Variants in INPP4A observed in about 807,000 individuals in gnomAD.
The protein encoded by INPP4A is inositol polyphosphate-4-phosphatase type I A, also known as inositol polyphosphate-4-phosphatase, type I, 107kD.
A neutral mutation model predicts 119.8 loss-of-function variants in INPP4A; 33 were observed. That is an observed-to-expected ratio of 0.28 (90% confidence interval 0.21 to 0.37). The LOEUF (loss-of-function observed/expected upper bound fraction) is 0.37, where lower values mean the gene tolerates loss of function less well. INPP4A is among the 10% of genes least tolerant of loss of function. The pLI is 1.00. For synonymous variants in INPP4A, 496 were observed against 500.7 expected (o/e 0.99, Z 0.12); for missense variants, 956 against 1,289.9 (o/e 0.74, Z 3.97).
At chr2:98,577,225 G>A in intron 24 of INPP4A, 82 bp downstream of exon 24, 2 of 1,421,462 alleles carry the variant, frequency 1.4e-6, no homozygotes, top group Non-Finnish European at 1.9e-6. Flanking sequence ...GCTCCTGCCT[G>A]CAGGGCCTAC....
At chr2:98,522,063 G>A (rs888743018) in intron 4 of INPP4A, among the ~76,000 whole-genome samples, 8 of 152,180 alleles carry the variant, frequency 5.3e-5, no homozygotes, top group East Asian at 3.9e-4. Flanking sequence ...CAAGGTGGGC[G>A]GATCACATGA....
chr2:98,462,042 G>A (rs369138667), intron 1 of INPP4A, among the ~76,000 whole-genome samples: 12 of 152,354 alleles, frequency 7.9e-5, no homozygotes, highest in African/African-American at 2.2e-4. Flanking sequence ...GTTAGACGAC[G>A]TGTTTAAGCT....
chr2:98,524,603 A>G (rs1687849346), intron 4 of INPP4A, among the ~76,000 whole-genome samples: 1 of 152,194 alleles, frequency 6.6e-6, no homozygotes, highest in South Asian at 2.1e-4. Flanking sequence ...TTACTGCCTG[A>G]AAGACCTGAA....
chr2:98,451,341 A>G (rs2104454143), intron 1 of INPP4A, among the ~76,000 whole-genome samples: 1 of 152,186 alleles, frequency 6.6e-6, no homozygotes, highest in Middle Eastern at 3.4e-3. Context: ...GCAGATGTAT[A>G]TGGTGGGGGC....
chr2:98,583,292 G>C (rs1425891802), intron 24 of INPP4A, among the ~76,000 whole-genome samples: 1 of 151,510 alleles, frequency 6.6e-6, no homozygotes, highest in Non-Finnish European at 1.5e-5. Context: ...AATCAAATAT[G>C]ATTGATAATG....
In INPP4A at chr2:98,500,821, G is replaced by A. The variant is rs138898289; in HGVS notation, c.-165-18143G>A. 7.4e-3 allele frequency among the ~76,000 whole-genome samples: 1,124 copies of A among 152,270 alleles called. 7 individuals carry two copies. Among genetic ancestry groups the A allele is most frequent in the Non-Finnish European group, 0.012 (841 of 68,018 alleles). Reference sequence around the variant, plus strand: ...CTCAGCAGGGTTCTTTGCTAAAACTGGATTTTACAAAGAAGTGCACAGATG... The same window carrying A: ...CTCAGCAGGGTTCTTTGCTAAAACTAGATTTTACAAAGAAGTGCACAGATG... On this transcript the variant is annotated intron_variant, in intron 1 of 24. Transcript: ENST00000409851.
intron 1 of INPP4A, among the ~76,000 whole-genome samples, chr2:98,512,961 T>G (rs1007865675): frequency 1.3e-5 from 2 of 152,220 alleles, no homozygotes; most frequent in African/African-American, 2.4e-5. Context: ...GTTTTTGTAT[T>G]TTATGCTAGA....
At chr2:98,502,907 G>A (rs982093454) in intron 1 of INPP4A, among the ~76,000 whole-genome samples, 3 of 152,180 alleles carry the variant, frequency 2.0e-5, no homozygotes, top group Non-Finnish European at 4.4e-5. Flanking sequence ...TTGTTTTTGA[G>A]TTATTGGATT....
rs17033253 is a variant in INPP4A, at chr2:98,546,108, A to G, written c.1054+35A>G. On this transcript the variant is annotated intron_variant, in intron 12 of 24. Transcript: ENST00000409851. This position sits in a 1 kb window ranked among gnomAD's most constrained non-coding sequence, Gnocchi z 4.2. ...TTTCTGCTCCCTCTTGTTGAATCAC[A>G]TTTCGCTGCTTTTCTCTGTGGGTAC... 4.3e-4 allele frequency: 608 copies of G among 1,418,060 alleles called. 4 individuals carry two copies. The African/African-American group carries it at 7.8e-3, about 18-fold the overall frequency. 87.8% of individuals were successfully genotyped at this position (1,418,060 alleles called of 1,614,324 possible). A position where few individuals can be genotyped will look rare whatever the true frequency, so the allele number is the denominator to read the frequency against.
At chr2:98,473,387 G>T (rs1448273786) in intron 1 of INPP4A, among the ~76,000 whole-genome samples, 2 of 151,116 alleles carry the variant, frequency 1.3e-5, no homozygotes, top group Non-Finnish European at 3.0e-5. Context: ...TGGAGAGTGA[G>T]AAGGGCAGTG....
intron 4 of INPP4A, among the ~76,000 whole-genome samples, chr2:98,525,247 C>G (rs527523245): frequency 6.6e-6 from 1 of 152,326 alleles, no homozygotes; most frequent in South Asian, 2.1e-4. Context: ...ATCTTCAAAG[C>G]TGGCAGTGGC....
chr2:98,563,694 C>T, intron 18 of INPP4A, 57 bp downstream of exon 18: 1 of 1,568,772 alleles, frequency 6.4e-7, no homozygotes, highest in Non-Finnish European at 8.7e-7. Flanking sequence ...TCAGAAAAGA[C>T]AGGCTTAGGA....
At chr2:98,551,056 G>A (rs910710533) in intron 13 of INPP4A, among the ~76,000 whole-genome samples, 4 of 152,000 alleles carry the variant, frequency 2.6e-5, no homozygotes, top group Admixed American at 2.6e-4. Flanking sequence ...CCTGGGCTCA[G>A]TTGACCCTCC....
chr2:98,490,715 T>G (rs13387405), intron 1 of INPP4A, among the ~76,000 whole-genome samples: 2,605 of 152,280 alleles, frequency 0.017, 77 homozygotes, highest in African/African-American at 0.06. Context: ...CCCACCTGTG[T>G]GACGCCTGGG....
At chr2:98,477,993 C>T (rs865844654) in intron 1 of INPP4A, among the ~76,000 whole-genome samples, 4 of 152,164 alleles carry the variant, frequency 2.6e-5, no homozygotes, top group Non-Finnish European at 4.4e-5. Flanking sequence ...GGATTCAGTG[C>T]GAGTGCAGTC....
At chr2:98,536,060 G>T (rs1479035591) in intron 6 of INPP4A, 69 bp from the exon 7 acceptor site, 3 of 978,296 alleles carry the variant, frequency 3.1e-6, no homozygotes, top group Non-Finnish European at 4.8e-6. Flanking sequence ...GGACTCTCTG[G>T]GGCCATGGTA....
At chr2:98,461,509 C>G (rs974650871) in intron 1 of INPP4A, among the ~76,000 whole-genome samples, 28 of 152,226 alleles carry the variant, frequency 1.8e-4, no homozygotes, top group Admixed American at 5.9e-4. Flanking sequence ...CCTCCCTGTA[C>G]TTAACTTGGT....
At chr2:98,572,520 G>A (rs917913390) in intron 22 of INPP4A, among the ~76,000 whole-genome samples, 4 of 152,244 alleles carry the variant, frequency 2.6e-5, no homozygotes, top group Admixed American at 2.6e-4. Context: ...TGGGAGGGGT[G>A]CGGGAGGCAT....
chr2:98,455,558 C>T (rs1450299363), intron 1 of INPP4A, among the ~76,000 whole-genome samples: 3 of 152,106 alleles, frequency 2.0e-5, no homozygotes, highest in African/African-American at 4.8e-5. Context: ...TCACCCTCCT[C>T]CTTTCTTGTT....
Sources: allele counts gnomAD v4.1 joint callset (sites outside exome capture counted in the v4.1 genomes callset), GRCh38; gene constraint gnomAD v4.1.1; non-coding constraint Gnocchi (gnomAD v3.1); transcripts MANE v1.5; gene names NCBI Gene and HGNC (gene_info 2026-07-23, HGNC 2026-07-21).